ZHX3: variants seen among roughly 807,000 people sequenced by gnomAD.
ZHX3 encodes the protein zinc fingers and homeoboxes protein 3.
A neutral mutation model predicts 64.5 loss-of-function variants in ZHX3; 20 were observed. The observed-to-expected ratio is 0.31, with a 90% CI of 0.22 to 0.45. The LOEUF (loss-of-function observed/expected upper bound fraction) is 0.45. Among genes scored for constraint, ZHX3 ranks in the 20% least tolerant of loss-of-function variants. The pLI is 1.00. For missense variants in ZHX3, 1,041 were observed against 1,195.8 expected, an observed-to-expected ratio of 0.87 and a Z score of 1.91; for synonymous variants, 423 against 461.6, an observed-to-expected ratio of 0.92 and a Z score of 1.07.
intron 1 of ZHX3, among the ~76,000 whole-genome samples, chr20:41,271,203 T>C (rs1469465617): frequency 6.6e-6 from 1 of 152,172 alleles, no homozygotes; most frequent in Non-Finnish European, 1.5e-5. Flanking sequence ...GTATTTTTAG[T>C]AGAGACGGGG....
rs2036157232 is a variant in ZHX3, at chr20:41,179,253, C to G, written c.*5938G>C. 1 of 152,244 alleles carries G rather than the reference C, an allele frequency of 6.6e-6. No individual in the cohort carries two copies. Among genetic ancestry groups the G allele is most frequent in the Non-Finnish European group, 1.5e-5 (1 of 68,052 alleles). The allele number at this position is 152,244 out of a possible 1,614,324, so 9.4% of individuals were successfully genotyped here. A position where few individuals can be genotyped will look rare whatever the true frequency, so the allele number is the denominator to read the frequency against. ...TGAACAAAGCAACTGCTCAGAAGCA[C>G]AGCGGGAACCCTCTACACAGGGGTG... On this transcript the variant is annotated 3_prime_UTR_variant, in exon 4 of 4. Transcript: ENST00000683867. The surrounding 1 kb of genome is among the most constrained non-coding windows in gnomAD (Gnocchi z 4.3).
intron 2 of ZHX3, among the ~76,000 whole-genome samples, chr20:41,223,054 A>G (rs1434965135): frequency 2.0e-5 from 3 of 152,208 alleles, no homozygotes; most frequent in Non-Finnish European, 4.4e-5. Context: ...GATCTTACAC[A>G]CAAGAAAAAA....
intron 2 of ZHX3, among the ~76,000 whole-genome samples, chr20:41,222,200 T>C (rs1273475181): frequency 5.3e-5 from 8 of 152,142 alleles, no homozygotes; most frequent in Admixed American, 5.2e-4. Context: ...GGATTCTGGA[T>C]ATGTTTTGAA....
intron 3 of ZHX3, chr20:41,196,965 A>C (rs2037765672): frequency 5.9e-6 from 1 of 170,150 alleles, no homozygotes; most frequent in South Asian, 1.5e-4. Flanking sequence ...ATTAGATAGA[A>C]GACAACAATA....
At chr20:41,311,438 ACTAT>A (rs1370573378) in intron 1 of ZHX3, among the ~76,000 whole-genome samples, 1 of 152,258 alleles carries the variant, frequency 6.6e-6, no homozygotes, top group Non-Finnish European at 1.5e-5. Context: ...CTGAAAGCAA[ACTAT>A]CTATATGCTT....
At position 41,228,532 on chromosome 20, in the gene ZHX3, G is replaced by C. The variant is rs1429195374; in HGVS notation, c.-150-23466C>G. Among the ~76,000 whole-genome samples the C allele has an allele frequency of 6.6e-6, 1 of 152,158 alleles. No individual in the cohort carries two copies. Among genetic ancestry groups the C allele is most frequent in the African/African-American group, 2.4e-5 (1 of 41,430 alleles). ...GGTGCTGGCATATTCAGTGTCTGGT[G>C]AGGGCCTACTTCCTCATAGACAGAC... On this transcript the variant is annotated intron_variant, in intron 2 of 3. Coordinates refer to ENST00000683867, the MANE Select transcript of ZHX3 (RefSeq NM_001384317.1). This position sits in a 1 kb window ranked among gnomAD's most constrained non-coding sequence, Gnocchi z 4.6.
At chr20:41,242,895 C>T (rs2041471636) in intron 2 of ZHX3, among the ~76,000 whole-genome samples, 1 of 152,154 alleles carries the variant, frequency 6.6e-6, no homozygotes, top group Non-Finnish European at 1.5e-5. Context: ...CTGTCACTAA[C>T]CTTTTAGCTT....
intron 1 of ZHX3, among the ~76,000 whole-genome samples, chr20:41,301,076 G>A (rs2044783883): frequency 6.6e-6 from 1 of 152,186 alleles, no homozygotes; most frequent in Non-Finnish European, 1.5e-5. Context: ...TAAATTGCAG[G>A]AGGTGAGGAA....
At chr20:41,315,268 C>T (rs2045253394) in intron 1 of ZHX3, among the ~76,000 whole-genome samples, 1 of 151,296 alleles carries the variant, frequency 6.6e-6, no homozygotes. Flanking sequence ...ATGCAACCTC[C>T]GCATCCCGGG....
intron 2 of ZHX3, among the ~76,000 whole-genome samples, chr20:41,215,592 AT>A (rs2039461956): frequency 6.6e-6 from 1 of 152,102 alleles, no homozygotes; most frequent in Non-Finnish European, 1.5e-5. Flanking sequence ...AAGCGTTATG[AT>A]AGTCAGCCTG....
In ZHX3 at chr20:41,202,160, G is replaced by T. The variant is rs982260805; in HGVS notation, c.2757C>A (p.Thr919=). The change falls in exon 3 of 4, where the codon ACC becomes ACA. Residue 919 remains threonine, a synonymous_variant. Coordinates refer to ENST00000683867, the MANE Select transcript of ZHX3 (RefSeq NM_001384317.1). The surrounding 1 kb of genome is among the most constrained non-coding windows in gnomAD (Gnocchi z 7.0). ...CACTGTTCTCAGACACCTCTGAATA[G>T]GTGTCACCCATCCCTTTGTGAACTG... The part of the protein sequence containing the change: ...LTAVHKGMGD[T]YSEVSENSES... The T allele has an allele frequency of 6.2e-6, 10 of 1,614,158 alleles. No individual in the cohort carries two copies. The highest frequency in any genetic ancestry group is 7.6e-6 in the Non-Finnish European group (9 of 1,180,028).
chr20:41,308,575 T>C (rs2045043956), intron 1 of ZHX3, among the ~76,000 whole-genome samples: 1 of 152,210 alleles, frequency 6.6e-6, no homozygotes, highest in Non-Finnish European at 1.5e-5. Context: ...TGTTAAGTAA[T>C]CTAAACAATG....
intron 2 of ZHX3, among the ~76,000 whole-genome samples, chr20:41,208,460 G>A (rs999333778): frequency 1.3e-5 from 2 of 152,122 alleles, no homozygotes; most frequent in Non-Finnish European, 2.9e-5. Context: ...CTGGCAAATC[G>A]AATCCAGCAG....
Position 41,283,961 on chromosome 20 carries a change from T to C in ZHX3, c.-244-14878A>G, listed in dbSNP as rs13433175. On this transcript the variant is annotated intron_variant, in intron 1 of 3. Transcript: ENST00000683867. ...TTTACTCTCTGTACTTCTGTATCTTTTGGAGGGTACAAGTATTAATATATA... is the reference window on the plus strand; with the variant it reads ...TTTACTCTCTGTACTTCTGTATCTTCTGGAGGGTACAAGTATTAATATATA... Among the ~76,000 whole-genome samples the C allele has an allele frequency of 4.6e-3, 707 of 152,244 alleles. 9 individuals carry two copies. Among genetic ancestry groups the C allele is most frequent in the African/African-American group, 0.015 (643 of 41,532 alleles).
At chr20:41,281,739 T>A (rs1005592473) in intron 1 of ZHX3, among the ~76,000 whole-genome samples, 1 of 152,260 alleles carries the variant, frequency 6.6e-6, no homozygotes, top group Non-Finnish European at 1.5e-5. Context: ...CACAGCCATG[T>A]CACATATCAC....
chr20:41,309,665 A>C (rs539570148), intron 1 of ZHX3, among the ~76,000 whole-genome samples: 4 of 152,232 alleles, frequency 2.6e-5, no homozygotes, highest in African/African-American at 9.6e-5. Flanking sequence ...AAATCCCCTG[A>C]TCCTTTCAGA....
rs369520340 is a variant in ZHX3 at position 41,203,463 on chromosome 20, C to G, written c.1454G>C (p.Ser485Thr). The G allele has an allele frequency of 1.9e-6, 3 of 1,614,170 alleles. No homozygotes were observed. Among genetic ancestry groups the G allele is most frequent in the Non-Finnish European group, 2.5e-6 (3 of 1,180,020 alleles). Residue 485 changes from serine to threonine, a missense_variant, in exon 3 of 4, where the codon AGC (serine) becomes ACC (threonine). Transcript: ENST00000683867. The surrounding 1 kb of genome is among the most constrained non-coding windows in gnomAD (Gnocchi z 7.1). Reference protein sequence around the residue: ...AAQSLLTACPSITSQAFLDAS... With the variant: ...AAQSLLTACPTITSQAFLDAS... ...ATCAAGGAAGGCTTGGGAGGTTATG[C>G]TGGGGCAGGCCGTGAGGAGCGACTG...
rs774024213 is a variant in ZHX3, at chr20:41,203,300, C to G, written c.1617G>C (p.Arg539=). ...GGTATCTACGATCACTGAACCATTT[C>G]CGCACCTCTCTGGTACTGAGGCCCG... ...KVTGLSTREV[R]KWFSDRRYHC... is the part of the protein sequence containing the mutation. The change falls in exon 3 of 4, where the codon CGG becomes CGC. Residue 539 remains arginine, a synonymous_variant. Coordinates refer to ENST00000683867, the MANE Select transcript of ZHX3 (RefSeq NM_001384317.1). The surrounding 1 kb of genome is among the most constrained non-coding windows in gnomAD (Gnocchi z 7.1). 19 of 1,614,084 alleles carry G rather than the reference C, an allele frequency of 1.2e-5. No individual in the cohort carries two copies. Among genetic ancestry groups the G allele is most frequent in the Non-Finnish European group, 1.4e-5 (17 of 1,180,036 alleles).
intron 1 of ZHX3, among the ~76,000 whole-genome samples, chr20:41,311,385 C>A (rs1436665377): frequency 6.6e-6 from 1 of 152,202 alleles, no homozygotes; most frequent in African/African-American, 2.4e-5. Context: ...TTCCTCAAGG[C>A]TTACAGCTAG....
Sources: gnomAD v4.1 joint callset for allele counts (sites outside exome capture counted in the v4.1 genomes callset) on GRCh38, gnomAD v4.1.1 for gene constraint, Gnocchi (gnomAD v3.1) non-coding constraint, MANE v1.5 for transcripts, NCBI Gene and HGNC (gene_info 2026-07-23, HGNC 2026-07-21) for gene names.